NELL1: variants seen among roughly 807,000 people sequenced by gnomAD.
NELL1 encodes the protein neural EGFL like 1.
NELL1 carries 76 observed loss-of-function variants against 107.4 expected under a neutral mutation model. The ratio of observed to expected loss-of-function variants is 0.71; its 90% CI spans 0.59 to 0.86. The LOEUF is 0.86. Among genes scored for constraint, NELL1 ranks in the 40% least tolerant of loss-of-function variants. The pLI is 0.00. For missense variants in NELL1, 1,024 were observed against 1,005.5 expected, an observed-to-expected ratio of 1.02 and a Z score of -0.25; for synonymous variants, 353 against 341.2, an observed-to-expected ratio of 1.03 and a Z score of -0.38.
At chr11:21,186,197 A>G (rs762045167) in intron 13 of NELL1, among the ~76,000 whole-genome samples, 4 of 151,878 alleles carry the variant, frequency 2.6e-5, no homozygotes, top group African/African-American at 4.9e-5. Flanking sequence ...TTTACTGGAC[A>G]TGTTAAAAGA....
At chr11:21,495,116 A>G (rs1473231682) in intron 15 of NELL1, among the ~76,000 whole-genome samples, 1 of 152,260 alleles carries the variant, frequency 6.6e-6, no homozygotes, top group East Asian at 1.9e-4. Context: ...AAAACATTTC[A>G]TCACCCACCA....
chr11:21,435,145 C>T (rs1853074269), intron 15 of NELL1, among the ~76,000 whole-genome samples: 1 of 152,078 alleles, frequency 6.6e-6, no homozygotes, highest in East Asian at 1.9e-4. Context: ...TCTGCTTTTC[C>T]AGTTTCCATG....
At chr11:21,137,877 C>T (rs1172843154) in intron 13 of NELL1, among the ~76,000 whole-genome samples, 1 of 152,180 alleles carries the variant, frequency 6.6e-6, no homozygotes, top group African/African-American at 2.4e-5. Flanking sequence ...CTGGCTCGAT[C>T]TTTTCATTCA....
intron 15 of NELL1, among the ~76,000 whole-genome samples, chr11:21,441,015 T>C (rs1853268679): frequency 6.6e-6 from 1 of 152,124 alleles, no homozygotes; most frequent in Non-Finnish European, 1.5e-5. Context: ...GTTATTTATA[T>C]TTAGTTCACA....
chr11:20,707,643 C>A (rs1001789745), intron 2 of NELL1, among the ~76,000 whole-genome samples: 1 of 152,172 alleles, frequency 6.6e-6, no homozygotes, highest in African/African-American at 2.4e-5. Context: ...CATTCCAGAC[C>A]CTGTTTGCCT....
chr11:20,764,399 G>T (rs1485166844), intron 2 of NELL1, among the ~76,000 whole-genome samples: 2 of 152,016 alleles, frequency 1.3e-5, no homozygotes, highest in African/African-American at 4.8e-5. Context: ...GGTGAAATAT[G>T]GTGGGTTGGG....
At chr11:20,687,805 C>T (rs142838672) in intron 2 of NELL1, among the ~76,000 whole-genome samples, 5,347 of 152,054 alleles carry the variant, frequency 0.035, 324 homozygotes, top group African/African-American at 0.12. Flanking sequence ...GTTGGCCAGG[C>T]TGGTCTCGAA....
intron 2 of NELL1, among the ~76,000 whole-genome samples, chr11:20,691,896 C>A (rs907210890): frequency 2.0e-5 from 3 of 152,052 alleles, no homozygotes; most frequent in Admixed American, 6.6e-5. Context: ...AGAATTCGGC[C>A]ATGAATCCAT....
At chr11:21,259,975 C>T (rs1427809249) in intron 14 of NELL1, 1 of 151,824 alleles carries the variant, frequency 6.6e-6, no homozygotes, top group East Asian at 1.9e-4. Flanking sequence ...TAATAAATCA[C>T]CTTTAAAGTA....
Position 20,927,398 on chromosome 11 carries a change from G to T in NELL1, c.850G>T (p.Asp284Tyr), listed in dbSNP as rs2134172046. The T allele has an allele frequency of 6.2e-7, 1 of 1,613,136 alleles. No individual in the cohort carries two copies. The highest frequency in any genetic ancestry group is 8.5e-7 in the Non-Finnish European group (1 of 1,179,746). Reference protein sequence around the residue: ...QVSGLLYRDQDSWVDGDHCRN... With the variant: ...QVSGLLYRDQYSWVDGDHCRN... ...GAGTGGACTGCTCTATCGAGATCAA[G>T]ACTCTTGGGTAGATGGTGACCATTG... The change falls in exon 8 of 20, where the codon GAC becomes TAC. Residue 284 changes from aspartate (D) to tyrosine (Y), a missense_variant. Physicochemically the swap from Asp to Tyr is radical, Grantham distance 160. Coordinates refer to ENST00000357134, the MANE Select transcript of NELL1 (RefSeq NM_006157.5).
chr11:21,453,762 C>G (rs551141445), intron 15 of NELL1, among the ~76,000 whole-genome samples: 2 of 148,808 alleles, frequency 1.3e-5, no homozygotes, highest in South Asian at 4.2e-4. Context: ...TCCATTTTAT[C>G]TTCACTATTA....
At chr11:21,094,319 G>A (rs1446777115) in intron 12 of NELL1, among the ~76,000 whole-genome samples, 1 of 152,234 alleles carries the variant, frequency 6.6e-6, no homozygotes, top group Non-Finnish European at 1.5e-5. Context: ...TGGCTTTGCA[G>A]GGTACAGCCT....
At chr11:21,317,909 A>T (rs2133659758) in intron 14 of NELL1, among the ~76,000 whole-genome samples, 1 of 152,256 alleles carries the variant, frequency 6.6e-6, no homozygotes, top group East Asian at 1.9e-4. Flanking sequence ...TAACCATGTA[A>T]GTTAAGTAAA....
At chr11:21,494,194 G>A (rs1854913785) in intron 15 of NELL1, among the ~76,000 whole-genome samples, 1 of 151,806 alleles carries the variant, frequency 6.6e-6, no homozygotes, top group African/African-American at 2.4e-5. Context: ...ATTTTTGTTT[G>A]GAAGAATTAA....
chr11:20,893,691 T>C lies in NELL1; in HGVS notation c.603+8151T>C, dbSNP rs187499216. Among the ~76,000 whole-genome samples the C allele has an allele frequency of 4.7e-3, 712 of 151,702 alleles. 5 individuals carry two copies. Among genetic ancestry groups the C allele is most frequent in the African/African-American group, 0.016 (675 of 41,480 alleles). ...GAGAAATATTTAATATAAGATACCA[T>C]ATATAATTCCATTTCACAATTGTTA... On this transcript the variant is annotated intron_variant, in intron 5 of 19. Coordinates refer to ENST00000357134, the MANE Select transcript of NELL1 (RefSeq NM_006157.5).
intron 15 of NELL1, among the ~76,000 whole-genome samples, chr11:21,421,857 G>C (rs1033762554): frequency 2.0e-5 from 3 of 151,998 alleles, no homozygotes; most frequent in Non-Finnish European, 4.4e-5. Context: ...TAATCAAACC[G>C]TCAAAACCCC....
chr11:21,288,563 C>T (rs1310837156), intron 14 of NELL1, among the ~76,000 whole-genome samples: 1 of 152,222 alleles, frequency 6.6e-6, no homozygotes, highest in Non-Finnish European at 1.5e-5. Context: ...CTCTGCCACA[C>T]AGGAGCAGTG....
At chr11:21,252,997 T>C (rs1283287043) in intron 14 of NELL1, among the ~76,000 whole-genome samples, 2 of 152,142 alleles carry the variant, frequency 1.3e-5, no homozygotes, top group Non-Finnish European at 2.9e-5. Context: ...TTGAAGTATT[T>C]ATAGTTGAGT....
chr11:21,523,996 C>A (rs1028390766), intron 15 of NELL1, among the ~76,000 whole-genome samples: 19 of 152,138 alleles, frequency 1.2e-4, no homozygotes, highest in African/African-American at 4.3e-4. Context: ...TGCTACTATA[C>A]CTTGGTTGGT....
Sources: allele counts gnomAD v4.1 joint callset (sites outside exome capture counted in the v4.1 genomes callset), GRCh38; gene constraint gnomAD v4.1.1; transcripts MANE v1.5; gene names NCBI Gene and HGNC (gene_info 2026-07-23, HGNC 2026-07-21).